The following SGMS1 variants were observed in gnomAD, a reference collection of about 807,000 sequenced individuals.
SGMS1 encodes the protein sphingomyelin synthase 1.
A neutral mutation model predicts 46.2 loss-of-function variants in SGMS1; 13 were observed. That is an observed-to-expected ratio of 0.28 (90% CI 0.18 to 0.45). The LOEUF (loss-of-function observed/expected upper bound fraction) is 0.45, where lower values mean the gene tolerates loss of function less well. Among genes scored for constraint, SGMS1 ranks in the 20% least tolerant of loss-of-function variants. The pLI is 1.00. For synonymous variants in SGMS1, 203 were observed against 187.8 expected (o/e 1.08, Z -0.66); for missense variants, 324 against 519.9 (o/e 0.62, Z 3.66).
At chr10:50,337,146 T>G (rs1326687094) in intron 7 of SGMS1, among the ~76,000 whole-genome samples, 2 of 152,208 alleles carry the variant, frequency 1.3e-5, no homozygotes, top group African/African-American at 4.8e-5. Context: ...TTTGTCCTCA[T>G]GAGTTTCATA....
chr10:50,338,070 C>G (rs1847745681), intron 7 of SGMS1, among the ~76,000 whole-genome samples: 2 of 152,086 alleles, frequency 1.3e-5, no homozygotes, highest in Admixed American at 1.3e-4. Context: ...CATGGCAGGT[C>G]CCAAGCAGGA....
At chr10:50,440,410 A>G (rs1460358538) in intron 5 of SGMS1, among the ~76,000 whole-genome samples, 1 of 152,112 alleles carries the variant, frequency 6.6e-6, no homozygotes, top group Non-Finnish European at 1.5e-5. Flanking sequence ...TTTTCCCCGC[A>G]GAGCCAGCAG....
intron 6 of SGMS1, among the ~76,000 whole-genome samples, chr10:50,392,190 T>TAAA (rs35016002): frequency 2.0e-5 from 3 of 147,390 alleles, no homozygotes; most frequent in Non-Finnish European, 3.0e-5. Flanking sequence ...AAGTAAAAGT[T>TAAA]AAAAAAAAAA....
chr10:50,469,338 A>G (rs186449812), intron 3 of SGMS1, among the ~76,000 whole-genome samples: 1 of 152,280 alleles, frequency 6.6e-6, no homozygotes, highest in Admixed American at 6.5e-5. Flanking sequence ...TGGCTTGAGA[A>G]GGTCTAGAGG....
chr10:50,358,791 T>G (rs78214804), intron 6 of SGMS1, among the ~76,000 whole-genome samples: 3 of 152,252 alleles, frequency 2.0e-5, no homozygotes, highest in East Asian at 3.8e-4. Context: ...TAATTCAATT[T>G]GGATAGCTTT....
Position 50,307,917 on chromosome 10 carries a change from CT to C in SGMS1, c.1062+64del. 2.6e-6 allele frequency: 4 copies of C among 1,558,820 alleles called. No individual in the cohort carries two copies. The highest frequency in any genetic ancestry group is 3.5e-6 in the Non-Finnish European group (4 of 1,138,466). ...CAGACATCCACAGGTTCTTTGCACC[CT>C]GTCCAAGCCAGCAACATCAAGCCAG... On this transcript the variant is annotated intron_variant, in intron 10 of 10. Transcript: ENST00000361781. This position sits in a 1 kb window ranked among gnomAD's most constrained non-coding sequence, Gnocchi z 4.2.
rs1256408735 is a variant in SGMS1, at chr10:50,562,734, C to T, written c.-589+27419G>A. On this transcript the variant is annotated intron_variant, in intron 2 of 10. Coordinates refer to ENST00000361781, the MANE Select transcript of SGMS1 (RefSeq NM_147156.4). ...AATTTTTTTGTATTTTTACTAGAGA[C>T]GGGGTTTCACCATGTTATCCAGGAT... 1.3e-5 allele frequency among the ~76,000 whole-genome samples: 2 copies of T among 152,104 alleles called. 1 individual carries two copies. The highest frequency in any genetic ancestry group is 2.9e-5 in the Non-Finnish European group (2 of 68,022).
chr10:50,485,102 A>G (rs185364548), intron 3 of SGMS1, among the ~76,000 whole-genome samples: 440 of 152,328 alleles, frequency 2.9e-3, no homozygotes, highest in African/African-American at 1.0e-2. Flanking sequence ...GAGGAAGTCA[A>G]ATTGTCTTTG....
intron 2 of SGMS1, among the ~76,000 whole-genome samples, chr10:50,574,593 A>G (rs1838363984): frequency 6.6e-6 from 1 of 152,202 alleles, no homozygotes; most frequent in Non-Finnish European, 1.5e-5. Flanking sequence ...ATTTCTCAAA[A>G]AGTTAAAAAC....
At chr10:50,590,806 A>T (rs1226420189) in intron 1 of SGMS1, 1 of 152,184 alleles carries the variant, frequency 6.6e-6, no homozygotes, top group Non-Finnish European at 1.5e-5. Flanking sequence ...GTCACCATGC[A>T]TTAGGTCTTC....
intron 3 of SGMS1, among the ~76,000 whole-genome samples, chr10:50,507,689 G>GGGTACT (rs1837719188): frequency 1.3e-5 from 2 of 152,156 alleles, no homozygotes; most frequent in Middle Eastern, 3.4e-3. Flanking sequence ...CCTCAAATTA[G>GGGTACT]CCAACTACCA....
At chr10:50,623,678 C>A in intron 1 of SGMS1, 29 bp downstream of exon 1, 1 of 985,442 alleles carries the variant, frequency 1.0e-6, no homozygotes, top group Non-Finnish European at 1.2e-6. Flanking sequence ...ACCGTGAGGC[C>A]GGCTGTCTGT....
intron 2 of SGMS1, among the ~76,000 whole-genome samples, chr10:50,589,333 C>G (rs1471096606): frequency 1.3e-5 from 2 of 152,148 alleles, no homozygotes; most frequent in Admixed American, 1.3e-4. Context: ...ATAATCATAG[C>G]TTACTACACC....
intron 2 of SGMS1, among the ~76,000 whole-genome samples, chr10:50,568,240 A>G (rs982330880): frequency 5.3e-5 from 8 of 152,246 alleles, no homozygotes; most frequent in Middle Eastern, 3.2e-3. Context: ...GAAGGAAGAT[A>G]AATTTTCCCA....
chr10:50,412,444 C>A (rs1849113982), intron 6 of SGMS1, among the ~76,000 whole-genome samples: 1 of 152,166 alleles, frequency 6.6e-6, no homozygotes, highest in Admixed American at 6.5e-5. Flanking sequence ...TCCCATCCAA[C>A]CCCTATCACC....
intron 3 of SGMS1, among the ~76,000 whole-genome samples, chr10:50,482,358 G>A (rs904108084): frequency 2.0e-5 from 3 of 152,164 alleles, no homozygotes; most frequent in Admixed American, 6.5e-5. Flanking sequence ...GAGATTGGGG[G>A]CCATTATTCA....
intron 6 of SGMS1, among the ~76,000 whole-genome samples, chr10:50,427,305 A>C (rs554668545): frequency 9.2e-5 from 14 of 152,208 alleles, no homozygotes; most frequent in Non-Finnish European, 1.8e-4. Flanking sequence ...AGGCTGAGGC[A>C]GGAGAACGGC....
chr10:50,420,562 C>T (rs1179108235), intron 6 of SGMS1, among the ~76,000 whole-genome samples: 1 of 152,290 alleles, frequency 6.6e-6, no homozygotes, highest in South Asian at 2.1e-4. Flanking sequence ...ATTTGCTTTA[C>T]GGGCAGCTTT....
intron 2 of SGMS1, among the ~76,000 whole-genome samples, chr10:50,529,829 G>A (rs752499861): frequency 9.2e-5 from 14 of 152,226 alleles, no homozygotes; most frequent in Non-Finnish European, 1.5e-4. Flanking sequence ...TTACTATACC[G>A]TACCATACAA....
Sources: gnomAD v4.1 joint callset for allele counts (sites outside exome capture counted in the v4.1 genomes callset) on GRCh38, gnomAD v4.1.1 for gene constraint, Gnocchi (gnomAD v3.1) non-coding constraint, MANE v1.5 for transcripts, NCBI Gene and HGNC (gene_info 2026-07-23, HGNC 2026-07-21) for gene names.